Variants in ARID4B observed in about 807,000 individuals in gnomAD.
ARID4B encodes AT-rich interactive domain-containing protein 4B.
A neutral mutation model predicts 147.5 loss-of-function variants in ARID4B; 26 were observed. The observed-to-expected ratio is 0.18, with a 90% CI of 0.13 to 0.24. The LOEUF (loss-of-function observed/expected upper bound fraction) is 0.24. ARID4B is among the 10% of genes least tolerant of loss of function. The pLI, the probability that ARID4B is intolerant of heterozygous loss-of-function variation, is 1.00. For missense variants in ARID4B, 1,179 were observed against 1,511.5 expected (o/e 0.78, Z 3.65); for synonymous variants, 512 against 507.9 (o/e 1.01, Z -0.11).
chr1:235,214,837 CTTTTTTTTTT>C (rs10657168), intron 16 of ARID4B, among the ~76,000 whole-genome samples: 1 of 102,326 alleles, frequency 9.8e-6, no homozygotes, highest in African/African-American at 3.7e-5. Context: ...GTATTACATC[CTTTTTTTTTT>C]TTTTTTTTTT....
At position 235,177,793 on chromosome 1, in the gene ARID4B, C is replaced by G. The variant is rs1166541790; in HGVS notation, c.3448+7G>C. The G allele has an allele frequency of 6.4e-7, 1 of 1,573,110 alleles. No homozygotes were observed. The stretch of plus-strand genomic sequence containing the variant: ...TATATTTTAAAAATTAGAGATTTCA[C>G]ACTTACTGCCTTTTCCCTTCTTTTT... On this transcript the variant is annotated splice_region_variant and intron_variant, in intron 21 of 23. Transcript: ENST00000264183.
intron 17 of ARID4B, among the ~76,000 whole-genome samples, chr1:235,210,396 T>C (rs769844861): frequency 1.1e-4 from 17 of 152,042 alleles, no homozygotes; most frequent in Non-Finnish European, 1.9e-4. Flanking sequence ...ATCTGTTAAG[T>C]ATAAATTTAG....
intron 19 of ARID4B, among the ~76,000 whole-genome samples, chr1:235,191,468 C>G (rs923275751): frequency 2.2e-4 from 33 of 151,948 alleles, no homozygotes; most frequent in African/African-American, 8.0e-4. Flanking sequence ...GTTGGCCAGG[C>G]TGGTCTCAAA....
intron 2 of ARID4B, among the ~76,000 whole-genome samples, chr1:235,310,851 T>C (rs1243813887): frequency 6.6e-6 from 1 of 152,032 alleles, no homozygotes; most frequent in East Asian, 1.9e-4. Flanking sequence ...AAAACTTTTT[T>C]GTAGAAGCAG....
chr1:235,245,972 G>A lies in ARID4B; in HGVS notation c.446+448C>T, dbSNP rs1204308345. On this transcript the variant is annotated intron_variant, in intron 7 of 23. Coordinates refer to ENST00000264183, the MANE Select transcript of ARID4B (RefSeq NM_016374.6). ...CTATGCCAGAGAATTGGGTTTACAG[G>A]GGAGAGAAACATCTCTGGTTTCAAG... is the stretch of plus-strand genomic sequence containing the variant. 1.2e-4 allele frequency among the ~76,000 whole-genome samples: 18 copies of A among 152,266 alleles called. No individual in the cohort carries two copies. The South Asian group carries it at 3.3e-3, about 28-fold the overall frequency.
intron 21 of ARID4B, among the ~76,000 whole-genome samples, chr1:235,177,308 G>A (rs1663956310): frequency 1.3e-5 from 2 of 152,118 alleles, no homozygotes; most frequent in Non-Finnish European, 1.5e-5. Flanking sequence ...CAAATATGTT[G>A]ATGTTTATAA....
rs199760842 is a variant in ARID4B, at chr1:235,196,144, T to G, written c.1842-29A>C. On this transcript the variant is annotated intron_variant, in intron 17 of 23. Coordinates refer to ENST00000264183, the MANE Select transcript of ARID4B (RefSeq NM_016374.6). Reference sequence around the variant, plus strand: ...AAATTAAAGGAAATTAATATAAATATGTACAATATATACCACGGAAATAAC... The same window carrying G: ...AAATTAAAGGAAATTAATATAAATAGGTACAATATATACCACGGAAATAAC... The G allele has an allele frequency of 7.3e-5, 86 of 1,177,490 alleles. No individual in the cohort carries two copies. The African/African-American group carries it at 1.0e-3, about 14-fold the overall frequency. The allele number at this position is 1,177,490 out of a possible 1,614,324, so 72.9% of individuals were successfully genotyped here.
intron 17 of ARID4B, among the ~76,000 whole-genome samples, chr1:235,199,966 CTTCT>C (rs757492910): frequency 6.7e-6 from 1 of 150,172 alleles, no homozygotes; most frequent in Non-Finnish European, 1.5e-5. Flanking sequence ...CCAAGTGTTC[CTTCT>C]ATTTTCTCTA....
chr1:235,236,838 A>ATATATATATATATATATGTG (rs1558233448), intron 8 of ARID4B, among the ~76,000 whole-genome samples: 3 of 27,896 alleles, frequency 1.1e-4, no homozygotes, highest in Non-Finnish European at 2.1e-4. Flanking sequence ...TAAAAAATAT[A>ATATATATATATATATATGTG]TATATATATA....
intron 19 of ARID4B, among the ~76,000 whole-genome samples, chr1:235,188,132 G>A (rs10924501): frequency 0.47 from 70,429 of 151,314 alleles, 16,666 homozygotes; most frequent in South Asian, 0.6. Flanking sequence ...CATTGTATAT[G>A]TGTTATATGT....
chr1:235,259,844 A>G (rs1670192617), intron 3 of ARID4B, among the ~76,000 whole-genome samples: 1 of 152,214 alleles, frequency 6.6e-6, no homozygotes, highest in Non-Finnish European at 1.5e-5. Context: ...AGTCTATGTA[A>G]TTGGTGAAAT....
intron 2 of ARID4B, among the ~76,000 whole-genome samples, chr1:235,290,064 T>A (rs1672237541): frequency 6.6e-6 from 1 of 151,790 alleles, no homozygotes; most frequent in Non-Finnish European, 1.5e-5. Context: ...CATTTTTCAC[T>A]ATCAGATTGG....
intron 19 of ARID4B, among the ~76,000 whole-genome samples, chr1:235,184,608 A>T (rs917012955): frequency 2.0e-5 from 3 of 152,226 alleles, no homozygotes; most frequent in African/African-American, 7.2e-5. Context: ...GACATAACTA[A>T]GATTGTGAAA....
At position 235,317,802 on chromosome 1, in the gene ARID4B, G is replaced by C. The variant is rs143530192; in HGVS notation, c.6+9112C>G. On this transcript the variant is annotated intron_variant, in intron 2 of 23. Coordinates refer to ENST00000264183, the MANE Select transcript of ARID4B (RefSeq NM_016374.6). ...ACATATTCCAACTGACTAGAACAGA[G>C]ACCAATACATAATAAGTATTCAATA... 1.2e-4 allele frequency among the ~76,000 whole-genome samples: 19 copies of C among 152,234 alleles called. No homozygotes were observed. In the East Asian group the frequency reaches 3.5e-3, roughly 28 times the overall value.
At chr1:235,274,136 G>A (rs1231547141) in intron 2 of ARID4B, among the ~76,000 whole-genome samples, 1 of 152,072 alleles carries the variant, frequency 6.6e-6, no homozygotes, top group Admixed American at 6.6e-5. Flanking sequence ...ACTTTGGGAG[G>A]CCAAGGCAGG....
chr1:235,272,422 C>CA (rs1472899015), intron 2 of ARID4B, among the ~76,000 whole-genome samples: 4 of 151,984 alleles, frequency 2.6e-5, no homozygotes, highest in African/African-American at 9.7e-5. Flanking sequence ...ATTGTTAACA[C>CA]AAAAAAGATT....
intron 2 of ARID4B, among the ~76,000 whole-genome samples, chr1:235,297,867 G>A (rs540908649): frequency 1.7e-4 from 26 of 152,322 alleles, no homozygotes. Context: ...GAAAAGGGTG[G>A]AGATTTAAGA....
At chr1:235,275,422 T>C (rs1671258812) in intron 2 of ARID4B, among the ~76,000 whole-genome samples, 1 of 152,222 alleles carries the variant, frequency 6.6e-6, no homozygotes, top group Non-Finnish European at 1.5e-5. Context: ...ACCAGTCTGC[T>C]GAGAGGAAGT....
At chr1:235,256,062 T>C (rs1201430117) in intron 4 of ARID4B, among the ~76,000 whole-genome samples, 1 of 149,954 alleles carries the variant, frequency 6.7e-6, no homozygotes, top group Admixed American at 6.8e-5. Flanking sequence ...TAATCCCAGC[T>C]ACTCGGGAGG....
Sources: allele counts gnomAD v4.1 joint callset (sites outside exome capture counted in the v4.1 genomes callset), GRCh38; gene constraint gnomAD v4.1.1; transcripts MANE v1.5; gene names NCBI Gene and HGNC (gene_info 2026-07-23, HGNC 2026-07-21).